RAB31: variants seen among roughly 807,000 people sequenced by gnomAD.
RAB31 encodes the protein ras-related protein Rab-31.
A neutral mutation model predicts 25.6 loss-of-function variants in RAB31; 21 were observed. That is an observed-to-expected ratio of 0.82 (90% CI 0.58 to 1.18). The LOEUF (loss-of-function observed/expected upper bound fraction) is 1.18, where lower values mean the gene tolerates loss of function less well. Among genes scored for constraint, RAB31 ranks in the 50% most tolerant of loss-of-function variants. The pLI is 0.00. For missense variants in RAB31, 196 were observed against 250.1 expected (o/e 0.78, Z 1.46); for synonymous variants, 87 against 84.0 (o/e 1.04, Z -0.20).
At chr18:9,722,566 A>T (rs1164564106) in intron 1 of RAB31, among the ~76,000 whole-genome samples, 4 of 152,136 alleles carry the variant, frequency 2.6e-5, no homozygotes, top group African/African-American at 9.7e-5. Context: ...ATCTGTGTCT[A>T]TTTTGTAGTT....
At chr18:9,741,205 G>A (rs1032734547) in intron 1 of RAB31, among the ~76,000 whole-genome samples, 6 of 151,718 alleles carry the variant, frequency 4.0e-5, no homozygotes, top group Non-Finnish European at 7.4e-5. Flanking sequence ...GTGAAACTCC[G>A]TCTCCACTAA....
chr18:9,740,451 C>T (rs1352607898), intron 1 of RAB31, among the ~76,000 whole-genome samples: 3 of 152,270 alleles, frequency 2.0e-5, no homozygotes, highest in South Asian at 2.1e-4. Flanking sequence ...TGGTGGCTCT[C>T]GCCTGTAATC....
intron 1 of RAB31, among the ~76,000 whole-genome samples, chr18:9,722,310 G>A (rs12608203): frequency 0.31 from 47,762 of 152,016 alleles, 7,807 homozygotes; most frequent in East Asian, 0.41. Flanking sequence ...ACATGGGAGC[G>A]GTGGTGACTT....
intron 1 of RAB31, among the ~76,000 whole-genome samples, chr18:9,773,343 G>C (rs2068355100): frequency 6.6e-6 from 1 of 152,094 alleles, no homozygotes; most frequent in African/African-American, 2.4e-5. Context: ...TGATCTTTTG[G>C]CTTTCAAATT....
chr18:9,860,477 A>C lies in RAB31; in HGVS notation c.*1152A>C, dbSNP rs1567876601. 1 of 152,250 alleles carries C rather than the reference A, an allele frequency of 6.6e-6. No homozygotes were observed. Among genetic ancestry groups the C allele is most frequent in the Non-Finnish European group, 1.5e-5 (1 of 68,046 alleles). The allele number at this position is 152,250 out of a possible 1,614,324, so 9.4% of individuals were successfully genotyped here. A position where few individuals can be genotyped will look rare whatever the true frequency, so the allele number is the denominator to read the frequency against. ...GGCTCCGATGAAAACCTTCCTTTTC[A>C]GATTCCCTGTCTGCTCAATTAAAGA... On this transcript the variant is annotated 3_prime_UTR_variant, in exon 7 of 7. Coordinates refer to ENST00000578921, the MANE Select transcript of RAB31 (RefSeq NM_006868.4).
chr18:9,714,993 G>T (rs2068036822), intron 1 of RAB31, among the ~76,000 whole-genome samples: 1 of 152,206 alleles, frequency 6.6e-6, no homozygotes, highest in Admixed American at 6.5e-5. Context: ...ACCTGCTGTC[G>T]CACAGTGCTG....
chr18:9,719,387 A>G lies in RAB31; in HGVS notation c.39+10943A>G, dbSNP rs556576400. Among the ~76,000 whole-genome samples, 4 of 140,828 alleles carry G rather than the reference A, an allele frequency of 2.8e-5. No homozygotes were observed. In the Admixed American group the frequency reaches 2.9e-4, roughly 10 times the overall value. 92.4% of individuals were successfully genotyped at this position (140,828 alleles called of 152,430 possible). ...GGAAATGATCTAGTAGTGAAATGAT[A>G]CATGCTGTTGTAGTTTTAGACTGTA... On this transcript the variant is annotated intron_variant, in intron 1 of 6. Coordinates refer to ENST00000578921, the MANE Select transcript of RAB31 (RefSeq NM_006868.4).
intron 1 of RAB31, among the ~76,000 whole-genome samples, chr18:9,748,057 T>C (rs950454420): frequency 6.6e-6 from 1 of 152,242 alleles, no homozygotes; most frequent in Non-Finnish European, 1.5e-5. Flanking sequence ...ATGAGTTTCC[T>C]GAATACCACC....
intron 6 of RAB31, among the ~76,000 whole-genome samples, chr18:9,857,583 C>T (rs1246584448): frequency 1.3e-5 from 2 of 151,634 alleles, no homozygotes; most frequent in Non-Finnish European, 2.9e-5. Flanking sequence ...GAACCAATTT[C>T]CCTTCCACTT....
intron 3 of RAB31, 134 bp from the exon 4 acceptor site, chr18:9,813,886 A>C: frequency 2.0e-6 from 1 of 489,926 alleles, no homozygotes; most frequent in Non-Finnish European, 3.6e-6. Context: ...AATAATATGA[A>C]CCATGGAAAA....
At position 9,708,587 on chromosome 18, in the gene RAB31, C is replaced by A. The variant is rs1189519583; in HGVS notation, c.39+143C>A. 1.5e-6 allele frequency: 1 copy of A among 661,886 alleles called. No homozygotes were observed. Among genetic ancestry groups the A allele is most frequent in the East Asian group, 3.3e-5 (1 of 30,174 alleles). 41.0% of individuals were successfully genotyped at this position (661,886 alleles called of 1,614,324 possible). ...AGCCCCCGTCCCCCTCGTCCGCGCG[C>A]CCCCTGGTTCCCCGGGTCCCCCTGG... On this transcript the variant is annotated intron_variant, in intron 1 of 6. Coordinates refer to ENST00000578921, the MANE Select transcript of RAB31 (RefSeq NM_006868.4). The surrounding 1 kb of genome is among the most constrained non-coding windows in gnomAD (Gnocchi z 6.4).
intron 1 of RAB31, among the ~76,000 whole-genome samples, chr18:9,725,322 T>A (rs2145461418): frequency 6.6e-6 from 1 of 152,338 alleles, no homozygotes; most frequent in South Asian, 2.1e-4. Flanking sequence ...GAATTTGTGA[T>A]CATCCTTAAT....
intron 3 of RAB31, among the ~76,000 whole-genome samples, chr18:9,812,377 C>T (rs1391221137): frequency 1.3e-5 from 2 of 152,208 alleles, no homozygotes. Flanking sequence ...AAATGGGACA[C>T]ACATTTCAAC....
intron 2 of RAB31, 96 bp from the exon 3 acceptor site, chr18:9,792,058 G>A: frequency 6.9e-7 from 1 of 1,458,782 alleles, no homozygotes; most frequent in Non-Finnish European, 9.2e-7. Flanking sequence ...GGGCTTTTTG[G>A]GGTCCTGCTG....
intron 6 of RAB31, among the ~76,000 whole-genome samples, chr18:9,850,433 G>T (rs749329994): frequency 2.0e-5 from 3 of 152,202 alleles, no homozygotes; most frequent in Non-Finnish European, 2.9e-5. Flanking sequence ...CTGGTTTGTG[G>T]ATTTTAATTA....
chr18:9,733,901 GA>G (rs1202031204), intron 1 of RAB31, among the ~76,000 whole-genome samples: 1 of 152,048 alleles, frequency 6.6e-6, no homozygotes, highest in Non-Finnish European at 1.5e-5. Flanking sequence ...GGTTACTGGG[GA>G]GGGGGGGCTT....
At position 9,814,278 on chromosome 18, in the gene RAB31, T is replaced by C. The variant is rs28694250; in HGVS notation, c.273+187T>C. Among the ~76,000 whole-genome samples, 872 of 152,330 alleles carry C rather than the reference T, an allele frequency of 5.7e-3. 4 individuals are homozygous for C. Among genetic ancestry groups the C allele is most frequent in the African/African-American group, 0.02 (826 of 41,568 alleles). The stretch of plus-strand genomic sequence containing the variant: ...AAATTAAACAATAATGACCATTCAT[T>C]CTTAAAATTGACTGTAGAGGCAAAG... On this transcript the variant is annotated intron_variant, in intron 4 of 6. Coordinates refer to ENST00000578921, the MANE Select transcript of RAB31 (RefSeq NM_006868.4).
At chr18:9,783,637 A>G (rs2068416948) in intron 2 of RAB31, among the ~76,000 whole-genome samples, 1 of 152,204 alleles carries the variant, frequency 6.6e-6, no homozygotes, top group Non-Finnish European at 1.5e-5. Flanking sequence ...TCTAGAACAA[A>G]GTTAAAGGGC....
chr18:9,727,739 A>G (rs2068102442), intron 1 of RAB31, among the ~76,000 whole-genome samples: 1 of 152,250 alleles, frequency 6.6e-6, no homozygotes, highest in Non-Finnish European at 1.5e-5. Context: ...CTTTCTATGA[A>G]GAAAATCTTT....
Sources: allele counts gnomAD v4.1 joint callset (sites outside exome capture counted in the v4.1 genomes callset), GRCh38; gene constraint gnomAD v4.1.1; non-coding constraint Gnocchi (gnomAD v3.1); transcripts MANE v1.5; gene names NCBI Gene and HGNC (gene_info 2026-07-23, HGNC 2026-07-21).